FUT8: variants seen among roughly 807,000 people sequenced by gnomAD.
FUT8 encodes alpha-(1,6)-fucosyltransferase.
In FUT8, 29 loss-of-function variants were observed where a neutral mutation model predicts 71.3. That is an observed-to-expected ratio of 0.41 (90% confidence interval 0.30 to 0.55). The LOEUF is 0.55. FUT8 is among the 20% of genes least tolerant of loss of function. FUT8 has a pLI of 0.34. For synonymous variants in FUT8, 254 were observed against 239.3 expected (o/e 1.06, Z -0.57); for missense variants, 544 against 702.1 (o/e 0.77, Z 2.55).
chr14:65,426,599 C>T (rs1443170309), intron 1 of FUT8, among the ~76,000 whole-genome samples: 2 of 152,106 alleles, frequency 1.3e-5, no homozygotes, highest in African/African-American at 2.4e-5. Context: ...CTCCATATCC[C>T]GTCCTTGATG....
chr14:65,661,013 C>T (rs1440379930), intron 6 of FUT8, among the ~76,000 whole-genome samples: 1 of 152,158 alleles, frequency 6.6e-6, no homozygotes, highest in African/African-American at 2.4e-5. Flanking sequence ...ACTGTTTAGT[C>T]TTCTGATTAG....
chr14:65,616,770 C>G (rs1489633785), intron 5 of FUT8, among the ~76,000 whole-genome samples: 1 of 152,008 alleles, frequency 6.6e-6, no homozygotes, highest in African/African-American at 2.4e-5. Flanking sequence ...CTAATTCAAA[C>G]ATTAAAAACT....
intron 7 of FUT8, among the ~76,000 whole-genome samples, chr14:65,684,536 C>A (rs1893183898): frequency 6.6e-6 from 1 of 152,190 alleles, no homozygotes; most frequent in Admixed American, 6.5e-5. Flanking sequence ...AAGCTATTAT[C>A]TGTTGTCAAG....
chr14:65,414,136 T>G (rs912953968), intron 1 of FUT8, among the ~76,000 whole-genome samples: 9 of 152,170 alleles, frequency 5.9e-5, no homozygotes, highest in Non-Finnish European at 1.3e-4. Flanking sequence ...CCAAATTCTG[T>G]AGTACATAAC....
At chr14:65,726,909 G>A (rs914816622) in intron 9 of FUT8, among the ~76,000 whole-genome samples, 1 of 152,152 alleles carries the variant, frequency 6.6e-6, no homozygotes, top group African/African-American at 2.4e-5. Context: ...TTACAAATGA[G>A]AGAAATTGGC....
chr14:65,515,919 T>G (rs554237963), intron 2 of FUT8, among the ~76,000 whole-genome samples: 1 of 152,340 alleles, frequency 6.6e-6, no homozygotes, highest in East Asian at 1.9e-4. Flanking sequence ...TTTGTGTATA[T>G]TCAGATAAAT....
intron 2 of FUT8, among the ~76,000 whole-genome samples, chr14:65,479,192 A>G (rs931464802): frequency 8.5e-5 from 13 of 152,208 alleles, no homozygotes. Context: ...TGAAAAAACT[A>G]CAGATGTCTA....
intron 2 of FUT8, among the ~76,000 whole-genome samples, chr14:65,535,245 G>A (rs1487503282): frequency 6.6e-6 from 1 of 151,712 alleles, no homozygotes; most frequent in Non-Finnish European, 1.5e-5. Context: ...GATTACTGAC[G>A]TACACCACCA....
At chr14:65,585,478 C>T (rs893402139) in intron 3 of FUT8, among the ~76,000 whole-genome samples, 2 of 152,154 alleles carry the variant, frequency 1.3e-5, no homozygotes, top group Non-Finnish European at 2.9e-5. Flanking sequence ...TGAGTCACTG[C>T]ACCCAGCTGG....
chr14:65,666,917 C>CA (rs535359189), intron 6 of FUT8, among the ~76,000 whole-genome samples: 5 of 152,160 alleles, frequency 3.3e-5, no homozygotes, highest in Admixed American at 1.3e-4. Context: ...GAACTAAAAA[C>CA]AAAAAAATTA....
chr14:65,721,665 A>G (rs1895422803), intron 7 of FUT8, 110 bp from the exon 8 acceptor site: 5 of 1,060,766 alleles, frequency 4.7e-6, no homozygotes, highest in Admixed American at 4.1e-5. Flanking sequence ...TGAAGATTAT[A>G]CTTCTTTAGA....
intron 10 of FUT8, among the ~76,000 whole-genome samples, chr14:65,737,906 A>C (rs2139400941): frequency 6.6e-6 from 1 of 152,220 alleles, no homozygotes; most frequent in South Asian, 2.1e-4. Context: ...GGAAGCCCAG[A>C]GGGCAAAACC....
intron 2 of FUT8, among the ~76,000 whole-genome samples, chr14:65,531,962 T>TA (rs1232165370): frequency 6.6e-6 from 1 of 152,190 alleles, no homozygotes. Context: ...CATTTTTTTT[T>TA]ATGACTGCAT....
chr14:65,505,432 C>T (rs1001501852), intron 2 of FUT8, among the ~76,000 whole-genome samples: 1 of 151,378 alleles, frequency 6.6e-6, no homozygotes, highest in Non-Finnish European at 1.5e-5. Context: ...CCTGCCTCAG[C>T]CTCCCAAGTA....
At chr14:65,465,870 T>G (rs985191214) in intron 2 of FUT8, among the ~76,000 whole-genome samples, 3 of 152,344 alleles carry the variant, frequency 2.0e-5, no homozygotes, top group East Asian at 3.9e-4. Context: ...TTGTTGAAGC[T>G]CCAACTATGA....
At chr14:65,464,796 T>C (rs2066017959) in intron 2 of FUT8, among the ~76,000 whole-genome samples, 1 of 152,178 alleles carries the variant, frequency 6.6e-6, no homozygotes, top group Non-Finnish European at 1.5e-5. Context: ...TAATTTTCCT[T>C]TCTTGTAAGG....
At chr14:65,387,908 TA>T in the FUT8 span, among the ~76,000 whole-genome samples, 3 of 152,284 alleles carry the variant, frequency 2.0e-5, no homozygotes, top group African/African-American at 7.2e-5. Flanking sequence ...GGTTTTTAAA[TA>T]GGGGATGAGG....
intron 6 of FUT8, among the ~76,000 whole-genome samples, chr14:65,633,542 T>C (rs1286590723): frequency 1.3e-4 from 20 of 148,558 alleles, no homozygotes; most frequent in African/African-American, 2.7e-4. Flanking sequence ...GAGGAGCGCC[T>C]CTTCCCGGCC....
intron 7 of FUT8, among the ~76,000 whole-genome samples, chr14:65,691,301 G>T (rs536237447): frequency 1.3e-5 from 2 of 151,098 alleles, no homozygotes; most frequent in African/African-American, 4.9e-5. Flanking sequence ...TGTTACGTAG[G>T]AATGGTGAGA....
Sources: allele counts gnomAD v4.1 joint callset (sites outside exome capture counted in the v4.1 genomes callset), GRCh38; gene constraint gnomAD v4.1.1; transcripts MANE v1.5; gene names NCBI Gene and HGNC (gene_info 2026-07-23, HGNC 2026-07-21).